The following ZNG1B variants were observed in gnomAD, a reference collection of about 807,000 sequenced individuals.
ZNG1B encodes zinc-regulated GTPase metalloprotein activator 1B.
the ZNG1B span, chr2:113,466,007 G>A: frequency 1.0e-6 from 1 of 983,880 alleles, no homozygotes; most frequent in Non-Finnish European, 1.2e-6. Context: ...GAACAGCTGG[G>A]GAATTAATTT....
At chr2:113,439,135 T>G in the ZNG1B span, 6 of 1,458,512 alleles carry the variant, frequency 4.1e-6, no homozygotes, top group East Asian at 1.2e-4. Flanking sequence ...AGTAGATCAC[T>G]GGAGAAAATG....
At chr2:113,438,920 G>A in the ZNG1B span, 1 of 1,523,262 alleles carries the variant, frequency 6.6e-7, no homozygotes, top group Admixed American at 2.0e-5. Flanking sequence ...AGAAATAACT[G>A]CTTTTGTTTT....
the ZNG1B span, chr2:113,481,768 A>T: frequency 1.6e-5 from 3 of 187,742 alleles, no homozygotes; most frequent in Admixed American, 1.1e-4. Flanking sequence ...AACTTTCTTT[A>T]GGTGCCAGCA....
At chr2:113,440,320 A>G in the ZNG1B span, among the ~76,000 whole-genome samples, 4,059 of 150,476 alleles carry the variant, frequency 0.027, 179 homozygotes, top group African/African-American at 0.093. Context: ...TTTTCATAAT[A>G]TGGTTAAAAA....
At chr2:113,469,332 G>A in the ZNG1B span, 2 of 148,938 alleles carry the variant, frequency 1.3e-5, no homozygotes, top group East Asian at 2.0e-4. Flanking sequence ...TAGTAGAGAC[G>A]GTTTCGCCAC....
the ZNG1B span, chr2:113,466,415 TTTA>T: frequency 1.2e-6 from 1 of 847,662 alleles, no homozygotes; most frequent in African/African-American, 2.1e-5. Context: ...TCTTGATTAG[TTTA>T]TTATGTAACA....
chr2:113,474,015 G>A, the ZNG1B span, among the ~76,000 whole-genome samples: 1 of 151,332 alleles, frequency 6.6e-6, no homozygotes, highest in East Asian at 1.9e-4. Flanking sequence ...ATGAGTTAGG[G>A]AGGATTCCCT....
At chr2:113,492,181 G>A in the ZNG1B span, among the ~76,000 whole-genome samples, 1 of 139,556 alleles carries the variant, frequency 7.2e-6, no homozygotes, top group African/African-American at 2.6e-5. Flanking sequence ...AAAAAGATAC[G>A]TGCACACGCA....
At chr2:113,484,938 T>A in the ZNG1B span, among the ~76,000 whole-genome samples, 1 of 152,128 alleles carries the variant, frequency 6.6e-6, no homozygotes, top group Non-Finnish European at 1.5e-5. Context: ...GTGCTGGGAT[T>A]ACAGGCATGA....
the ZNG1B span, among the ~76,000 whole-genome samples, chr2:113,474,605 T>C: frequency 7.1e-6 from 1 of 140,528 alleles, no homozygotes; most frequent in Non-Finnish European, 1.6e-5. Context: ...GGATCTTTCC[T>C]GCTTTCTGTT....
chr2:113,477,584 T>C, the ZNG1B span, among the ~76,000 whole-genome samples: 11 of 152,226 alleles, frequency 7.2e-5, no homozygotes, highest in East Asian at 1.9e-4. Context: ...TTCTGCCTTC[T>C]CCTGTGGGGA....
At chr2:113,451,934 T>G in the ZNG1B span, among the ~76,000 whole-genome samples, 1 of 151,942 alleles carries the variant, frequency 6.6e-6, no homozygotes, top group South Asian at 2.1e-4. Flanking sequence ...TTTAAATGAC[T>G]TATTGTTTGG....
chr2:113,444,804 A>T, the ZNG1B span, among the ~76,000 whole-genome samples: 1 of 152,146 alleles, frequency 6.6e-6, no homozygotes, highest in African/African-American at 2.4e-5. Context: ...ACTGGTAAAT[A>T]TGGGACGGAC....
At chr2:113,454,788 A>G in the ZNG1B span, 7 of 1,568,922 alleles carry the variant, frequency 4.5e-6, no homozygotes, top group African/African-American at 1.4e-5. Context: ...AGTAAGTTGA[A>G]AGATTGCTAT....
the ZNG1B span, chr2:113,437,877 G>T: frequency 1.6e-4 from 265 of 1,611,950 alleles, no homozygotes; most frequent in Non-Finnish European, 2.2e-4. Context: ...GAATGTTACC[G>T]GCTGTTGGAT....
At chr2:113,489,755 T>A in the ZNG1B span, among the ~76,000 whole-genome samples, 1 of 149,846 alleles carries the variant, frequency 6.7e-6, no homozygotes, top group Non-Finnish European at 1.5e-5. Context: ...ACCAGCAGTT[T>A]AAAAAGACAA....
the ZNG1B span, among the ~76,000 whole-genome samples, chr2:113,459,933 C>G: frequency 2.0e-5 from 3 of 147,506 alleles, no homozygotes. Context: ...AAGCTTGCCT[C>G]CAGAGAGATG....
the ZNG1B span, among the ~76,000 whole-genome samples, chr2:113,461,290 C>T: frequency 6.6e-6 from 1 of 151,534 alleles, no homozygotes; most frequent in African/African-American, 2.4e-5. Flanking sequence ...CCATGTTGGC[C>T]AGGCTGGTCT....
chr2:113,443,790 G>C, the ZNG1B span: 1 of 1,609,588 alleles, frequency 6.2e-7, no homozygotes, highest in South Asian at 1.1e-5. Context: ...GAAATCCTTA[G>C]CTGTCAGCCA....
Sources: allele counts gnomAD v4.1 joint callset (sites outside exome capture counted in the v4.1 genomes callset), GRCh38; gene constraint gnomAD v4.1.1; transcripts MANE v1.5; gene names NCBI Gene and HGNC (gene_info 2026-07-23, HGNC 2026-07-21).